SMARCC1: variants seen among roughly 807,000 people sequenced by gnomAD.
SMARCC1 encodes the protein SWI/SNF complex subunit SMARCC1.
Under a neutral mutation model 147.4 loss-of-function variants are expected in SMARCC1, and 43 were observed. That is an observed-to-expected ratio of 0.29 (90% confidence interval 0.23 to 0.38). The LOEUF (loss-of-function observed/expected upper bound fraction) is 0.38. Among genes scored for constraint, SMARCC1 ranks in the 10% least tolerant of loss-of-function variants. The probability of loss-of-function intolerance (pLI) is 1.00; values close to 1 mark genes in which losing one functional copy is unlikely to be tolerated. For missense variants in SMARCC1, 1,119 were observed against 1,381.1 expected (o/e 0.81, Z 3.01); for synonymous variants, 495 against 484.4 (o/e 1.02, Z -0.29).
chr3:47,723,263 G>T (rs572992430), intron 6 of SMARCC1, among the ~76,000 whole-genome samples: 3 of 150,988 alleles, frequency 2.0e-5, no homozygotes, highest in African/African-American at 7.3e-5. Context: ...TTAGTATAAT[G>T]TAAAATACAG....
intron 2 of SMARCC1, among the ~76,000 whole-genome samples, chr3:47,771,014 C>T (rs1484540486): frequency 1.3e-5 from 2 of 152,080 alleles, no homozygotes; most frequent in Non-Finnish European, 2.9e-5. Context: ...GGGTTCATGC[C>T]ATTCTCCTGC....
At chr3:47,615,135 A>G (rs2032620583) in intron 25 of SMARCC1, among the ~76,000 whole-genome samples, 1 of 152,228 alleles carries the variant, frequency 6.6e-6, no homozygotes, top group Non-Finnish European at 1.5e-5. Context: ...CCCCCGACTC[A>G]GCCCATAACA....
intron 1 of SMARCC1, among the ~76,000 whole-genome samples, chr3:47,779,735 G>A (rs927242668): frequency 6.6e-5 from 10 of 152,124 alleles, no homozygotes; most frequent in Admixed American, 1.3e-4. Context: ...TGAACAGTGC[G>A]GAGAGGTAGA....
intron 22 of SMARCC1, among the ~76,000 whole-genome samples, chr3:47,636,641 T>C (rs1025842433): frequency 6.6e-6 from 1 of 152,020 alleles, no homozygotes; most frequent in Non-Finnish European, 1.5e-5. Flanking sequence ...TAATCCCAGG[T>C]ACTCAGGAGA....
intron 2 of SMARCC1, among the ~76,000 whole-genome samples, chr3:47,757,567 G>A (rs2034715302): frequency 6.6e-6 from 1 of 152,034 alleles, no homozygotes; most frequent in South Asian, 2.1e-4. Flanking sequence ...ATGAGGTCAG[G>A]AGATCGAGAC....
In SMARCC1 at chr3:47,701,410, A is replaced by G. The variant is rs1289089544; in HGVS notation, c.1041-8T>C. ...CCATAAAGGCTAGCTTGGCTAAAAC[A>G]TACAAGTATATGAAATATAAACAAG... On this transcript the variant is annotated splice_region_variant and splice_polypyrimidine_tract_variant and intron_variant, in intron 10 of 27. Coordinates refer to ENST00000254480, the MANE Select transcript of SMARCC1 (RefSeq NM_003074.4). 4 of 1,612,842 alleles carry G rather than the reference A, an allele frequency of 2.5e-6. No homozygotes were observed. The highest frequency in any genetic ancestry group is 3.4e-6 in the Non-Finnish European group (4 of 1,179,016).
intron 21 of SMARCC1, among the ~76,000 whole-genome samples, chr3:47,645,662 T>C (rs1460470458): frequency 6.6e-6 from 1 of 152,188 alleles, no homozygotes; most frequent in Non-Finnish European, 1.5e-5. Context: ...CTTGACTGAG[T>C]TGGCTCAGAG....
intron 25 of SMARCC1, among the ~76,000 whole-genome samples, chr3:47,614,722 T>C (rs1345886593): frequency 6.6e-6 from 1 of 152,232 alleles, no homozygotes; most frequent in Non-Finnish European, 1.5e-5. Flanking sequence ...TCCCTGATTC[T>C]GACCTTGCTG....
chr3:47,660,174 C>T lies in SMARCC1; in HGVS notation c.2320+1120G>A, dbSNP rs144585631. On this transcript the variant is annotated intron_variant, in intron 21 of 27. Coordinates refer to ENST00000254480, the MANE Select transcript of SMARCC1 (RefSeq NM_003074.4). ...AAAAGTGGAAACAATAGGCCAGGTG[C>T]GGTGGCTCATGCTTATAATCCCAGC... 5.0e-3 allele frequency among the ~76,000 whole-genome samples: 757 copies of T among 152,094 alleles called. 5 individuals carry two copies. Among genetic ancestry groups the T allele is most frequent in the Non-Finnish European group, 7.8e-3 (528 of 67,998 alleles).
At position 47,606,944 on chromosome 3, in the gene SMARCC1, G is replaced by C. The variant is rs945710979; in HGVS notation, c.3043+3122C>G. Among the ~76,000 whole-genome samples, 4 of 151,660 alleles carry C rather than the reference G, an allele frequency of 2.6e-5. No individual in the cohort carries two copies. In the East Asian group the frequency reaches 7.7e-4, roughly 29 times the overall value. ...TGCCCAGGCTGGTCTCAAACTCCTG[G>C]GTTCAAGCGATCCTCAAGTCTTGGC... On this transcript the variant is annotated intron_variant, in intron 26 of 27. Transcript: ENST00000254480.
intron 21 of SMARCC1, among the ~76,000 whole-genome samples, chr3:47,648,854 C>T (rs930629766): frequency 3.3e-5 from 5 of 152,182 alleles, no homozygotes; most frequent in East Asian, 1.9e-4. Context: ...AACTGTATGT[C>T]GCATGACATG....
At chr3:47,764,351 A>G (rs1240577021) in intron 2 of SMARCC1, among the ~76,000 whole-genome samples, 1 of 152,172 alleles carries the variant, frequency 6.6e-6, no homozygotes, top group Non-Finnish European at 1.5e-5. Context: ...TGTACTGTTC[A>G]CTGTACATTG....
intron 2 of SMARCC1, among the ~76,000 whole-genome samples, chr3:47,747,684 TG>T (rs2034581495): frequency 6.6e-6 from 1 of 151,578 alleles, no homozygotes; most frequent in Non-Finnish European, 1.5e-5. Flanking sequence ...CCAAAGAAAA[TG>T]CCTGTAACCC....
At chr3:47,713,473 G>T (rs1241898652) in intron 8 of SMARCC1, among the ~76,000 whole-genome samples, 1 of 152,080 alleles carries the variant, frequency 6.6e-6, no homozygotes, top group Non-Finnish European at 1.5e-5. Flanking sequence ...TATAAAGGCT[G>T]GAGTGAAGTG....
intron 21 of SMARCC1, among the ~76,000 whole-genome samples, chr3:47,643,613 A>G (rs909128001): frequency 1.3e-5 from 2 of 152,226 alleles, no homozygotes; most frequent in African/African-American, 4.8e-5. Flanking sequence ...ACCATGTTTT[A>G]TAAACTTTAA....
At chr3:47,737,995 T>C (rs2034464793) in intron 4 of SMARCC1, 34 bp downstream of exon 4, 1 of 1,484,684 alleles carries the variant, frequency 6.7e-7, no homozygotes, top group Non-Finnish European at 9.2e-7. Context: ...ATATTAAAGG[T>C]AAACTTTTTA....
intron 18 of SMARCC1, among the ~76,000 whole-genome samples, chr3:47,672,957 T>C (rs1334901727): frequency 6.6e-6 from 1 of 151,958 alleles, no homozygotes; most frequent in Non-Finnish European, 1.5e-5. Flanking sequence ...TTCAGTATTT[T>C]TTTTTTTAGT....
At chr3:47,600,755 T>C (rs61620099) in intron 26 of SMARCC1, among the ~76,000 whole-genome samples, 90,347 of 151,906 alleles carry the variant, frequency 0.59, 28,160 homozygotes, top group East Asian at 0.72. Context: ...AAGCAACCCT[T>C]GTCCTTAAGA....
chr3:47,721,768 T>C (rs981242883), intron 6 of SMARCC1, among the ~76,000 whole-genome samples: 2 of 151,958 alleles, frequency 1.3e-5, no homozygotes, highest in African/African-American at 4.8e-5. Flanking sequence ...CCCAGCACTT[T>C]TGGAGGCAGG....
Sources: allele counts gnomAD v4.1 joint callset (sites outside exome capture counted in the v4.1 genomes callset), GRCh38; gene constraint gnomAD v4.1.1; transcripts MANE v1.5; gene names NCBI Gene and HGNC (gene_info 2026-07-23, HGNC 2026-07-21).